The following SHC3 variants were observed in gnomAD, a reference collection of about 807,000 sequenced individuals.
SHC3 encodes SHC adaptor protein 3, also known as SHC-transforming protein 3.
SHC3 carries 15 observed loss-of-function variants against 60.4 expected under a neutral mutation model. The observed-to-expected ratio is 0.25, with a 90% CI of 0.17 to 0.38. The LOEUF is 0.38. Among genes scored for constraint, SHC3 ranks in the 10% least tolerant of loss-of-function variants. The pLI is 1.00. For missense variants in SHC3, 677 were observed against 786.1 expected (o/e 0.86, Z 1.66); for synonymous variants, 294 against 325.9 (o/e 0.90, Z 1.05).
chr9:89,178,182 G>A lies in SHC3; in HGVS notation c.279C>T (p.Gly93=), dbSNP rs1365839255. The A allele has an allele frequency of 2.3e-6, 3 of 1,327,638 alleles. No homozygotes were observed. The highest frequency in any genetic ancestry group is 6.3e-5 in the East Asian group (2 of 31,808). 82.2% of individuals were successfully genotyped at this position (1,327,638 alleles called of 1,614,324 possible). A position where few individuals can be genotyped will look rare whatever the true frequency, so the allele number is the denominator to read the frequency against. The change falls in exon 1 of 12, where the codon GGC becomes GGT. Residue 93 remains glycine (G), a synonymous_variant. Transcript: ENST00000375835. This position sits in a 1 kb window ranked among gnomAD's most constrained non-coding sequence, Gnocchi z 6.9. The part of the protein sequence containing the change: ...GLSSAARERA[G]ARLSGSCSAP... ...CGCTGCAGCTGCCCGAGAGCCGCGC[G>A]CCCGCCCGCTCCCGGGCGGCCGACG...
chr9:89,052,287 T>C, intron 6 of SHC3, 124 bp from the exon 7 acceptor site: 5 of 1,201,890 alleles, frequency 4.2e-6, no homozygotes, highest in Admixed American at 2.5e-5. Context: ...TAATATGTCC[T>C]AGCAGATCCA....
intron 1 of SHC3, among the ~76,000 whole-genome samples, chr9:89,176,264 A>C (rs1826941078): frequency 6.6e-6 from 1 of 152,248 alleles, no homozygotes; most frequent in Non-Finnish European, 1.5e-5. Flanking sequence ...TTACAGCAAC[A>C]GATTGTCGAC....
In SHC3 at chr9:89,052,043, T is replaced by A. The variant is rs200942371; in HGVS notation, c.956A>T (p.His319Leu). ...LQCPTKIPAL[H>L]DRMQSLDEPW... Reference sequence around the variant, plus strand: ...GTGTCACAGCACTACTCACCGATCATGGAGAGCGGGAATCTTGGTAGGACA... The same window carrying A: ...GTGTCACAGCACTACTCACCGATCAAGGAGAGCGGGAATCTTGGTAGGACA... Residue 319 changes from histidine to leucine, a missense_variant, in exon 7 of 12, where the codon CAT becomes CTT. Transcript: ENST00000375835. The A allele has an allele frequency of 6.2e-7, 1 of 1,613,744 alleles. No homozygotes were observed. The highest frequency in any genetic ancestry group is 2.2e-5 in the East Asian group (1 of 44,866).
intron 1 of SHC3, among the ~76,000 whole-genome samples, chr9:89,169,100 T>A (rs1826832688): frequency 6.6e-6 from 1 of 152,216 alleles, no homozygotes; most frequent in Admixed American, 6.5e-5. Context: ...TCTTTTTTAA[T>A]AAGCAACTCT....
At chr9:89,082,423 C>G (rs894172863) in intron 2 of SHC3, among the ~76,000 whole-genome samples, 1 of 152,178 alleles carries the variant, frequency 6.6e-6, no homozygotes, top group East Asian at 1.9e-4. Context: ...AGTTGCTCCT[C>G]AAACACAGCC....
chr9:89,073,534 C>T lies in SHC3; in HGVS notation c.729+1575G>A, dbSNP rs1432413407. On this transcript the variant is annotated intron_variant, in intron 4 of 11. Transcript: ENST00000375835. ...AGTCAGCTGGAAGGGAGAGTCAGAA[C>T]CCTGTGTGCTTGCCCCCCACCCAAC... 2.6e-5 allele frequency among the ~76,000 whole-genome samples: 4 copies of T among 152,220 alleles called. 1 individual carries two copies. The East Asian group carries it at 7.7e-4, about 29-fold the overall frequency.
chr9:89,112,557 T>C lies in SHC3; in HGVS notation c.544A>G (p.Arg182Gly). 6.2e-7 allele frequency: 1 copy of C among 1,607,428 alleles called. No homozygotes were observed. Among genetic ancestry groups the C allele is most frequent in the Non-Finnish European group, 8.5e-7 (1 of 1,177,464 alleles). Residue 182 changes from arginine (R) to glycine (G), a missense_variant and splice_region_variant, in exon 2 of 12, where the codon AGG becomes GGG. Arg to Gly is a moderately radical substitution (Grantham distance 125). Transcript: ENST00000375835. ...LDFSTRTQIT[R>G]EAISRVCEAV... Reference sequence around the variant, plus strand: ...GAGTCCATTTTCAAGAGGGCTTACCTGGTAATTTGTGTTCTTGTACTGAAG... The same window carrying C: ...GAGTCCATTTTCAAGAGGGCTTACCCGGTAATTTGTGTTCTTGTACTGAAG...
At chr9:89,032,064 C>G (rs1417382122) in intron 11 of SHC3, among the ~76,000 whole-genome samples, 1 of 152,162 alleles carries the variant, frequency 6.6e-6, no homozygotes, top group African/African-American at 2.4e-5. Flanking sequence ...CTGAGTCACC[C>G]AAGGACCTGC....
intron 6 of SHC3, among the ~76,000 whole-genome samples, chr9:89,055,446 C>T (rs1247871377): frequency 6.6e-6 from 1 of 152,226 alleles, no homozygotes; most frequent in Non-Finnish European, 1.5e-5. Context: ...GAAACAATCC[C>T]AACGTCTCTG....
chr9:89,177,076 C>A (rs1826951287), intron 1 of SHC3, among the ~76,000 whole-genome samples: 1 of 152,212 alleles, frequency 6.6e-6, no homozygotes, highest in Non-Finnish European at 1.5e-5. Flanking sequence ...CTGCAACTTC[C>A]ATCCTTAACC....
At chr9:89,141,364 CA>C (rs748378240) in intron 1 of SHC3, among the ~76,000 whole-genome samples, 2 of 152,338 alleles carry the variant, frequency 1.3e-5, no homozygotes, top group Middle Eastern at 6.8e-3. Context: ...GAAAGACACA[CA>C]AATCATGCCA....
rs538287502 is a variant in SHC3, at chr9:89,139,193, G to A, written c.475-26567C>T. 2.0e-5 allele frequency among the ~76,000 whole-genome samples: 3 copies of A among 152,178 alleles called. No individual in the cohort carries two copies. The East Asian group carries it at 5.8e-4, about 29-fold the overall frequency. On this transcript the variant is annotated intron_variant, in intron 1 of 11. Coordinates refer to ENST00000375835, the MANE Select transcript of SHC3 (RefSeq NM_016848.6). Reference sequence around the variant, plus strand: ...ATTACCCATCCCTCTTATTTCTTCTGAGCAGCAGTCAGAGATTGCTGGTTG... The same window carrying A: ...ATTACCCATCCCTCTTATTTCTTCTAAGCAGCAGTCAGAGATTGCTGGTTG...
At position 89,083,833 on chromosome 9, in the gene SHC3, G is replaced by T. The variant is rs1394541615; in HGVS notation, c.546-5930C>A. 3.9e-5 allele frequency among the ~76,000 whole-genome samples: 6 copies of T among 152,142 alleles called. No individual in the cohort carries two copies. In the South Asian group the frequency reaches 6.2e-4, roughly 16 times the overall value. ...CCAGGTGGGCCATGTCTGAGAGCTG[G>T]ATTTGCAGTAGGGACAGAGCTGGGA... On this transcript the variant is annotated intron_variant, in intron 2 of 11. Coordinates refer to ENST00000375835, the MANE Select transcript of SHC3 (RefSeq NM_016848.6).
intron 1 of SHC3, among the ~76,000 whole-genome samples, chr9:89,147,510 G>A (rs572311256): frequency 3.3e-5 from 5 of 150,486 alleles, no homozygotes; most frequent in African/African-American, 9.8e-5. Flanking sequence ...CTCCCTCTCC[G>A]CTTCCCCTTC....
Position 89,006,401 on chromosome 9 carries a change from G to T in SHC3, c.*7046C>A, listed in dbSNP as rs1392088399. 1 of 152,212 alleles carries T rather than the reference G, an allele frequency of 6.6e-6. No individual in the cohort carries two copies. Among genetic ancestry groups the T allele is most frequent in the African/African-American group, 2.4e-5 (1 of 41,448 alleles). The allele number at this position is 152,212 out of a possible 1,614,324, so 9.4% of individuals were successfully genotyped here. A position where few individuals can be genotyped will look rare whatever the true frequency, so the allele number is the denominator to read the frequency against. ...GTTTTTTCATTTGTCATAGAACAAA[G>T]ATTAGAGAACTTGAAATTCGTTTTG... On this transcript the variant is annotated 3_prime_UTR_variant, in exon 12 of 12. Transcript: ENST00000375835.
In SHC3 at chr9:89,042,186, T is replaced by C; in HGVS notation, c.1202-2A>G. On this transcript the variant is annotated splice_acceptor_variant, in intron 9 of 11. Coordinates refer to ENST00000375835, the MANE Select transcript of SHC3 (RefSeq NM_016848.6). LOFTEE classifies it high-confidence loss of function. ...GCGTGCTGTAGATGTCCGAGGACCCTGCAACAAGAAAGTGAGCCCCTTTTC... is the reference window on the plus strand; with the variant it reads ...GCGTGCTGTAGATGTCCGAGGACCCCGCAACAAGAAAGTGAGCCCCTTTTC... 2.1e-5 allele frequency: 31 copies of C among 1,495,580 alleles called. No individual in the cohort carries two copies. The highest frequency in any genetic ancestry group is 2.7e-5 in the Non-Finnish European group (30 of 1,127,604). 92.6% of individuals were successfully genotyped at this position (1,495,580 alleles called of 1,614,324 possible). A position where few individuals can be genotyped will look rare whatever the true frequency, so the allele number is the denominator to read the frequency against.
Position 89,064,386 on chromosome 9 carries a change from G to T in SHC3, c.835+1143C>A, listed in dbSNP as rs544126693. ...TGAGAGAGCCTGGTGAGGCAGCCACGGGACATGTGGAATCGATCCTGATTC... is the reference window on the plus strand; with the variant it reads ...TGAGAGAGCCTGGTGAGGCAGCCACTGGACATGTGGAATCGATCCTGATTC... On this transcript the variant is annotated intron_variant, in intron 6 of 11. Transcript: ENST00000375835. Among the ~76,000 whole-genome samples, 8 of 152,184 alleles carry T rather than the reference G, an allele frequency of 5.3e-5. No individual in the cohort carries two copies. In the East Asian group the frequency reaches 7.7e-4, roughly 15 times the overall value.
chr9:89,130,703 C>T (rs184305081), intron 1 of SHC3, among the ~76,000 whole-genome samples: 1 of 152,232 alleles, frequency 6.6e-6, no homozygotes, highest in Admixed American at 6.5e-5. Context: ...AATAAAGATG[C>T]TCTTTGAAGC....
intron 3 of SHC3, among the ~76,000 whole-genome samples, chr9:89,076,863 T>A (rs912800967): frequency 2.0e-5 from 3 of 152,150 alleles, no homozygotes; most frequent in African/African-American, 4.8e-5. Flanking sequence ...AAACTTACAA[T>A]TAAATAAATT....
Sources: gnomAD v4.1 joint callset for allele counts (sites outside exome capture counted in the v4.1 genomes callset) on GRCh38, gnomAD v4.1.1 for gene constraint, Gnocchi (gnomAD v3.1) non-coding constraint, MANE v1.5 for transcripts, NCBI Gene and HGNC (gene_info 2026-07-23, HGNC 2026-07-21) for gene names.